BCL2L13: variants seen among roughly 807,000 people sequenced by gnomAD.
BCL2L13 encodes the protein BCL2 like 13.
Under a neutral mutation model 25.8 loss-of-function variants are expected in BCL2L13, and 13 were observed. The observed-to-expected ratio is 0.50, with a 90% CI of 0.33 to 0.80. BCL2L13 has a LOEUF of 0.80. Among genes scored for constraint, BCL2L13 ranks in the 30% least tolerant of loss-of-function variants. BCL2L13 has a pLI of 0.02. For missense variants in BCL2L13, 504 were observed against 574.9 expected (o/e 0.88, Z 1.26); for synonymous variants, 244 against 230.3 (o/e 1.06, Z -0.54).
At chr22:17,677,796 C>T (rs1388923410) in intron 2 of BCL2L13, among the ~76,000 whole-genome samples, 1 of 151,466 alleles carries the variant, frequency 6.6e-6, no homozygotes, top group African/African-American at 2.4e-5. Flanking sequence ...CACTTGAACC[C>T]AGGAGGCAGA....
chr22:17,711,485 G>C (rs185268020), intron 6 of BCL2L13, among the ~76,000 whole-genome samples: 1 of 151,802 alleles, frequency 6.6e-6, no homozygotes, highest in Admixed American at 6.6e-5. Context: ...TTTTTGTAGA[G>C]GTGCAATTTT....
At chr22:17,672,051 A>G (rs2059435177) in intron 2 of BCL2L13, among the ~76,000 whole-genome samples, 1 of 152,124 alleles carries the variant, frequency 6.6e-6, no homozygotes, top group South Asian at 2.1e-4. Flanking sequence ...AGTAAGGTAT[A>G]TTTTGAGGTA....
At chr22:17,647,145 T>C (rs954314182) in intron 1 of BCL2L13, among the ~76,000 whole-genome samples, 1 of 151,168 alleles carries the variant, frequency 6.6e-6, no homozygotes, top group Non-Finnish European at 1.5e-5. Context: ...GGCTAATTTT[T>C]TTGTATTTCT....
intron 4 of BCL2L13, among the ~76,000 whole-genome samples, chr22:17,695,181 A>G (rs1434647524): frequency 6.6e-6 from 1 of 152,174 alleles, no homozygotes; most frequent in Non-Finnish European, 1.5e-5. Context: ...AGTGGCACCC[A>G]TCACTTCCAC....
intron 6 of BCL2L13, among the ~76,000 whole-genome samples, chr22:17,715,286 ATCC>A (rs1211943777): frequency 1.4e-5 from 2 of 141,916 alleles, no homozygotes; most frequent in East Asian, 4.3e-4. Context: ...GGCTCTAGGA[ATCC>A]TCCTACCTCA....
At chr22:17,641,344 T>C (rs1381951626) in intron 1 of BCL2L13, among the ~76,000 whole-genome samples, 1 of 152,158 alleles carries the variant, frequency 6.6e-6, no homozygotes, top group African/African-American at 2.4e-5. Flanking sequence ...TCTTGTTTAA[T>C]ATATATACAA....
At chr22:17,678,451 AGC>A (rs1251753170) in intron 2 of BCL2L13, among the ~76,000 whole-genome samples, 1 of 152,090 alleles carries the variant, frequency 6.6e-6, no homozygotes, top group Non-Finnish European at 1.5e-5. Context: ...TTTCATTCCT[AGC>A]CACCCAACCA....
chr22:17,727,011 A>C lies in BCL2L13; in HGVS notation c.935A>C (p.Lys312Thr). The C allele has an allele frequency of 6.2e-7, 1 of 1,614,200 alleles. No individual in the cohort carries two copies. The highest frequency in any genetic ancestry group is 8.5e-7 in the Non-Finnish European group (1 of 1,180,040). ...AATTCTGACATTGTGCACGTGGAGA[A>C]AGAAGAGGTGCCCGAGGGCATGGAA... Reference protein sequence around the residue: ...SSNSDIVHVEKEEVPEGMEEA... With the variant: ...SSNSDIVHVETEEVPEGMEEA... Residue 312 changes from lysine to threonine, a missense_variant, in exon 7 of 7, where the codon AAA (lysine) becomes ACA (threonine). Transcript: ENST00000317582.
chr22:17,646,951 ATATATTTT>A (rs1568923764), intron 1 of BCL2L13, among the ~76,000 whole-genome samples: 12 of 21,882 alleles, frequency 5.5e-4, no homozygotes, highest in African/African-American at 1.9e-3. Flanking sequence ...ATATATATAT[ATATATTTT>A]TTTTTTTTTT....
At chr22:17,657,670 C>A (rs2058920547) in intron 2 of BCL2L13, among the ~76,000 whole-genome samples, 1 of 151,880 alleles carries the variant, frequency 6.6e-6, no homozygotes, top group South Asian at 2.1e-4. Flanking sequence ...TGCCACCATG[C>A]CTGGCTAACT....
chr22:17,666,313 T>TA (rs2059232662), intron 2 of BCL2L13, among the ~76,000 whole-genome samples: 1 of 152,178 alleles, frequency 6.6e-6, no homozygotes. Flanking sequence ...AAACACATCA[T>TA]AGGGAATGGG....
chr22:17,684,978 G>A (rs1601651477), intron 3 of BCL2L13, among the ~76,000 whole-genome samples: 2 of 151,976 alleles, frequency 1.3e-5, no homozygotes, highest in Non-Finnish European at 2.9e-5. Flanking sequence ...CTTGTTTTCT[G>A]CCCGCCTTGG....
chr22:17,635,845 G>T (rs1220698133), upstream of BCL2L13, among the ~76,000 whole-genome samples: 2 of 150,252 alleles, frequency 1.3e-5, no homozygotes, highest in Non-Finnish European at 3.0e-5. Flanking sequence ...CAGTAGCTGG[G>T]ACTGAAGGTG....
chr22:17,696,446 C>T (rs2060266618), intron 5 of BCL2L13, among the ~76,000 whole-genome samples: 2 of 152,098 alleles, frequency 1.3e-5, no homozygotes, highest in Non-Finnish European at 2.9e-5. Context: ...CCAATTTTCC[C>T]ATCATTTCTT....
At chr22:17,646,955 ATTTTTTTTT>A (rs149460093) in intron 1 of BCL2L13, among the ~76,000 whole-genome samples, 245 of 22,186 alleles carry the variant, frequency 0.011, 2 homozygotes, top group African/African-American at 0.032. Flanking sequence ...ATATATATAT[ATTTTTTTTT>A]TTTTTTTTTT....
At chr22:17,643,396 G>T (rs5992776) in intron 1 of BCL2L13, among the ~76,000 whole-genome samples, 1 of 151,706 alleles carries the variant, frequency 6.6e-6, no homozygotes, top group Non-Finnish European at 1.5e-5. Context: ...GAGCCACCGC[G>T]CCCGGCCATT....
At chr22:17,719,274 A>G (rs1163190402) in intron 6 of BCL2L13, among the ~76,000 whole-genome samples, 1 of 152,160 alleles carries the variant, frequency 6.6e-6, no homozygotes, top group East Asian at 1.9e-4. Flanking sequence ...AAATGTACAA[A>G]TGGCCAATTA....
intron 1 of BCL2L13, among the ~76,000 whole-genome samples, chr22:17,651,988 C>A (rs936344466): frequency 1.3e-5 from 2 of 152,154 alleles, no homozygotes; most frequent in Non-Finnish European, 2.9e-5. Flanking sequence ...CCACCCCTGA[C>A]TTCTTAAAGA....
In BCL2L13 at chr22:17,714,265, C is replaced by G. The variant is rs376784979; in HGVS notation, c.600+11879C>G. Among the ~76,000 whole-genome samples, 532 of 151,660 alleles carry G rather than the reference C, an allele frequency of 3.5e-3. 1 individual carries two copies. Among genetic ancestry groups the G allele is most frequent in the Non-Finnish European group, 6.1e-3 (417 of 67,932 alleles). On this transcript the variant is annotated intron_variant, in intron 6 of 6. Transcript: ENST00000317582. The stretch of plus-strand genomic sequence containing the variant: ...CAGAGATTGCGCCACTGCACTCCAG[C>G]CTGGGCAACAGAGTGAGACTCCGTC...
Sources: allele counts gnomAD v4.1 joint callset (sites outside exome capture counted in the v4.1 genomes callset), GRCh38; gene constraint gnomAD v4.1.1; transcripts MANE v1.5; gene names NCBI Gene and HGNC (gene_info 2026-07-23, HGNC 2026-07-21).